The following DYSF variants were observed in gnomAD, a reference collection of about 807,000 sequenced individuals.
DYSF encodes the protein dystrophy-associated fer-1-like 1.
In DYSF, 212 loss-of-function variants were observed where a neutral mutation model predicts 274.9. The ratio of observed to expected loss-of-function variants is 0.77; its 90% CI spans 0.69 to 0.86. The LOEUF is 0.86. Among genes scored for constraint, DYSF ranks in the 40% least tolerant of loss-of-function variants. DYSF has a pLI of 0.00. For synonymous variants in DYSF, 1,091 were observed against 1,078.7 expected, an observed-to-expected ratio of 1.01 and a Z score of -0.22; for missense variants, 2,666 against 2,783.2, an observed-to-expected ratio of 0.96 and a Z score of 0.95.
chr2:71,541,241 A>G (rs186134014), intron 17 of DYSF, among the ~76,000 whole-genome samples: 2 of 152,358 alleles, frequency 1.3e-5, no homozygotes, highest in Admixed American at 6.5e-5. Flanking sequence ...ATTCACCCAT[A>G]AAACCATATG....
intron 16 of DYSF, among the ~76,000 whole-genome samples, chr2:71,537,218 G>GTTTTT (rs751063098): frequency 0.014 from 679 of 47,452 alleles, 31 homozygotes; most frequent in African/African-American, 0.024. Context: ...TTACTTTCTA[G>GTTTTT]TTTTGTTTTT....
At chr2:71,524,612 T>A (rs2087651885) in intron 12 of DYSF, among the ~76,000 whole-genome samples, 1 of 151,898 alleles carries the variant, frequency 6.6e-6, no homozygotes, top group South Asian at 2.1e-4. Flanking sequence ...GTCCAAGGAG[T>A]TGGCTGCTGG....
intron 17 of DYSF, chr2:71,549,272 TCCA>T (rs2090746034): frequency 7.0e-7 from 1 of 1,437,788 alleles, no homozygotes. Context: ...CAGCTCTCCA[TCCA>T]CAGCCTGTTC....
intron 31 of DYSF, 64 bp downstream of exon 31, chr2:71,589,750 A>T: frequency 6.9e-7 from 1 of 1,455,970 alleles, no homozygotes; most frequent in Non-Finnish European, 9.6e-7. Context: ...TTCTGTTTGG[A>T]TGGAGTTATA....
At chr2:71,455,844 C>T (rs2081039537) in intron 1 of DYSF, among the ~76,000 whole-genome samples, 1 of 152,138 alleles carries the variant, frequency 6.6e-6, no homozygotes, top group Non-Finnish European at 1.5e-5. Context: ...TTTTCTTCCA[C>T]CTTCCCTGAC....
rs184848822 is a variant in DYSF at position 71,635,514 on chromosome 2, G to A, written c.4528-8451G>A. On this transcript the variant is annotated intron_variant, in intron 41 of 55. Transcript: ENST00000410020. ...TGCAATCCCAGCACTTTGGGAGGCA[G>A]AGGCGGGTGGATCATGTGAGGCCAG... is the stretch of plus-strand genomic sequence containing the variant. 3.0e-3 allele frequency among the ~76,000 whole-genome samples: 463 copies of A among 152,312 alleles called. 1 individual carries two copies. The highest frequency in any genetic ancestry group is 0.011 in the African/African-American group (444 of 41,586).
intron 29 of DYSF, chr2:71,571,054 ACAG>A (rs2092397410): frequency 1.4e-5 from 6 of 438,704 alleles, no homozygotes; most frequent in Admixed American, 3.7e-5. Context: ...CAGCACACAC[ACAG>A]ATCACACCCA....
intron 1 of DYSF, among the ~76,000 whole-genome samples, chr2:71,472,499 C>T (rs1330928779): frequency 4.6e-5 from 7 of 152,138 alleles, no homozygotes; most frequent in Admixed American, 6.6e-5. Flanking sequence ...CTCTGCCTCC[C>T]GGGTTCACGC....
chr2:71,514,499 T>C (rs902825013), intron 7 of DYSF, among the ~76,000 whole-genome samples: 3 of 152,264 alleles, frequency 2.0e-5, no homozygotes, highest in Non-Finnish European at 4.4e-5. Flanking sequence ...GAATAAAAGC[T>C]ATTAATATGA....
chr2:71,670,333 C>G (rs1194078990), intron 51 of DYSF, among the ~76,000 whole-genome samples: 1 of 152,216 alleles, frequency 6.6e-6, no homozygotes, highest in Admixed American at 6.5e-5. Context: ...TAGGGACACC[C>G]AGCATGGCCT....
intron 51 of DYSF, 140 bp downstream of exon 51, chr2:71,669,886 C>T: frequency 9.2e-7 from 1 of 1,090,204 alleles, no homozygotes; most frequent in Non-Finnish European, 1.4e-6. Flanking sequence ...GCCATCTCCA[C>T]ATGGCCACCA....
At chr2:71,598,769 C>T (rs747643371) in intron 33 of DYSF, 24 bp downstream of exon 33, 26 of 1,607,198 alleles carry the variant, frequency 1.6e-5, no homozygotes, top group Admixed American at 6.7e-5. Context: ...GCTCCTGCCT[C>T]GTCCCCTCAC....
At position 71,682,786 on chromosome 2, in the gene DYSF, C is replaced by T. The variant is rs2095312016; in HGVS notation, c.6321+109C>T. On this transcript the variant is annotated intron_variant, in intron 55 of 55. Coordinates refer to ENST00000410020, the MANE Select transcript of DYSF (RefSeq NM_001130987.2). ...TCTAATGGAGAGAAGTAACCTCTGTCCTTGGAGAGCCCCTGGTCTGATGAG... is the reference window on the plus strand; with the variant it reads ...TCTAATGGAGAGAAGTAACCTCTGTTCTTGGAGAGCCCCTGGTCTGATGAG... 3.5e-6 allele frequency: 5 copies of T among 1,449,258 alleles called. No individual in the cohort carries two copies. In the South Asian group the frequency reaches 6.2e-5, roughly 18 times the overall value. The allele number at this position is 1,449,258 out of a possible 1,614,324, so 89.8% of individuals were successfully genotyped here.
chr2:71,611,728 C>A, intron 38 of DYSF, 102 bp downstream of exon 38: 1 of 1,420,724 alleles, frequency 7.0e-7, no homozygotes, highest in Non-Finnish European at 9.6e-7. Flanking sequence ...CCTGCGGGAT[C>A]CAGGGTAGGA....
At chr2:71,590,827 G>T (rs553454769) in intron 32 of DYSF, among the ~76,000 whole-genome samples, 266 of 152,274 alleles carry the variant, frequency 1.7e-3, no homozygotes, top group African/African-American at 6.2e-3. Context: ...CAGTCACCCA[G>T]TCCTGAGGAT....
upstream of DYSF, among the ~76,000 whole-genome samples, chr2:71,465,007 A>G (rs1377564996): frequency 1.3e-5 from 2 of 151,980 alleles, no homozygotes; most frequent in Non-Finnish European, 1.5e-5. Context: ...AGAATGGAGG[A>G]GGGAGATTGG....
At chr2:71,571,815 GCA>G (rs1215662346) in intron 29 of DYSF, among the ~76,000 whole-genome samples, 40 of 106,326 alleles carry the variant, frequency 3.8e-4, no homozygotes, top group African/African-American at 1.3e-3. Flanking sequence ...CTCACACCCA[GCA>G]CACACACATC....
At chr2:71,512,003 C>G in intron 5 of DYSF, 82 bp downstream of exon 5, 1 of 924,096 alleles carries the variant, frequency 1.1e-6, no homozygotes, top group East Asian at 2.6e-5. Context: ...GGAGCTGCAG[C>G]GAGGCTTCCC....
At chr2:71,470,663 G>T (rs1373497549) in intron 1 of DYSF, among the ~76,000 whole-genome samples, 2 of 112,798 alleles carry the variant, frequency 1.8e-5, no homozygotes, top group Non-Finnish European at 3.4e-5. Flanking sequence ...GACAGAGTGA[G>T]ACTCCATCTC....
Sources: gnomAD v4.1 joint callset for allele counts (sites outside exome capture counted in the v4.1 genomes callset) on GRCh38, gnomAD v4.1.1 for gene constraint, MANE v1.5 for transcripts, NCBI Gene and HGNC (gene_info 2026-07-23, HGNC 2026-07-21) for gene names.